The following THRA variants were observed in gnomAD, a reference collection of about 807,000 sequenced individuals.
THRA encodes the protein thyroid hormone receptor alpha.
THRA carries 13 observed loss-of-function variants against 45.0 expected under a neutral mutation model. That is an observed-to-expected ratio of 0.29 (90% CI 0.19 to 0.46). The LOEUF is 0.46. Among genes scored for constraint, THRA ranks in the 20% least tolerant of loss-of-function variants. The probability of loss-of-function intolerance (pLI) is 1.00; values close to 1 mark genes in which losing one functional copy is unlikely to be tolerated. For synonymous variants in THRA, 195 were observed against 214.0 expected (o/e 0.91, Z 0.78); for missense variants, 278 against 556.1 (o/e 0.50, Z 5.03).
chr17:40,091,278 G>GCACACA lies in THRA; in HGVS notation c.*1824_*1829dup. 3 of 136,220 alleles carry GCACACA rather than the reference G, an allele frequency of 2.2e-5. No homozygotes were observed. Among genetic ancestry groups the GCACACA allele is most frequent in the East Asian group, 2.5e-4 (1 of 4,062 alleles). The allele number at this position is 136,220 out of a possible 1,614,324, so 8.4% of individuals were successfully genotyped here. ...CACACACACACACACACACGGACAT[G>GCACACA]CACACACGGACATGGGAAGGCAATG... On this transcript the variant is annotated 3_prime_UTR_variant, in exon 9 of 9. Transcript: ENST00000450525.
chr17:40,080,002 G>A (rs1028640558), intron 4 of THRA, among the ~76,000 whole-genome samples: 2 of 152,044 alleles, frequency 1.3e-5, no homozygotes, highest in African/African-American at 2.4e-5. Context: ...GGGAGATGGA[G>A]GTTACAGTGA....
In THRA at chr17:40,089,830, C is replaced by T; in HGVS notation, c.*374C>T. The T allele has an allele frequency of 1.8e-6, 2 of 1,097,634 alleles. No homozygotes were observed. The highest frequency in any genetic ancestry group is 2.5e-5 in the South Asian group (1 of 39,374). The allele number at this position is 1,097,634 out of a possible 1,614,324, so 68.0% of individuals were successfully genotyped here. On this transcript the variant is annotated 3_prime_UTR_variant, in exon 9 of 9. Transcript: ENST00000450525. This position sits in a 1 kb window ranked among gnomAD's most constrained non-coding sequence, Gnocchi z 6.1. ...GGGGAAGATGCCCTCAACTCACCCC[C>T]TACACACACATGAGAGAGAGCCCCC...
chr17:40,092,815 G>C lies in THRA; in HGVS notation c.*3359G>C. On this transcript the variant is annotated 3_prime_UTR_variant, in exon 9 of 9. Coordinates refer to ENST00000450525, the MANE Select transcript of THRA (RefSeq NM_199334.5). ...AGCTCAGCTGTGAACTATTGGATTT[G>C]AGACAGGAACAGAACAAATCAGAGG... 1.4e-6 allele frequency: 1 copy of C among 701,444 alleles called. No homozygotes were observed. The highest frequency in any genetic ancestry group is 2.2e-6 in the Non-Finnish European group (1 of 454,532). The allele number at this position is 701,444 out of a possible 1,614,324, so 43.5% of individuals were successfully genotyped here.
At chr17:40,063,992 G>T (rs1313889256) in intron 1 of THRA, among the ~76,000 whole-genome samples, 1 of 151,678 alleles carries the variant, frequency 6.6e-6, no homozygotes, top group Non-Finnish European at 1.5e-5. Context: ...TCCAGGAGGG[G>T]GAGGGGATGA....
chr17:40,077,731 C>T lies in THRA; in HGVS notation c.222+123C>T, dbSNP rs1987001941. The T allele has an allele frequency of 1.3e-5, 10 of 741,972 alleles. No individual in the cohort carries two copies. In the East Asian group the frequency reaches 2.4e-4, roughly 18 times the overall value. The allele number at this position is 741,972 out of a possible 1,614,324, so 46.0% of individuals were successfully genotyped here. A position where few individuals can be genotyped will look rare whatever the true frequency, so the allele number is the denominator to read the frequency against. On this transcript the variant is annotated intron_variant, in intron 4 of 8. Coordinates refer to ENST00000450525, the MANE Select transcript of THRA (RefSeq NM_199334.5). Reference sequence around the variant, plus strand: ...TTTTTCTTTGAGACGGAGTCTCACTCTTGTCCCCCAGGCTGGAGTGCAGTG... The same window carrying T: ...TTTTTCTTTGAGACGGAGTCTCACTTTTGTCCCCCAGGCTGGAGTGCAGTG...
At chr17:40,081,695 G>A (rs559755589) in intron 4 of THRA, among the ~76,000 whole-genome samples, 40 of 152,188 alleles carry the variant, frequency 2.6e-4, no homozygotes, top group Middle Eastern at 3.4e-3. Flanking sequence ...TGGGTGCGGT[G>A]GCTCACGCCT....
intron 3 of THRA, 100 bp downstream of exon 3, chr17:40,077,038 C>T: frequency 7.9e-7 from 1 of 1,264,488 alleles, no homozygotes; most frequent in Non-Finnish European, 1.1e-6. Context: ...TTCATGTGTT[C>T]CCTGGGGGGA....
intron 1 of THRA, 40 bp downstream of exon 1, chr17:40,063,132 C>G (rs1333598198): frequency 6.6e-6 from 1 of 152,164 alleles, no homozygotes; most frequent in Admixed American, 6.5e-5. Context: ...TATGCAAATG[C>G]CTTGCGATTG....
Position 40,077,557 on chromosome 17 carries a change from G to A in THRA, c.171G>A (p.Gly57=). ...AAGACGAGCAGTGTGTCGTGTGTGGGGACAAGGCAACTGGTTATCACTACC... is the reference window on the plus strand; with the variant it reads ...AAGACGAGCAGTGTGTCGTGTGTGGAGACAAGGCAACTGGTTATCACTACC... The part of the protein sequence containing the change: ...LDKDEQCVVC[G]DKATGYHYRC... Residue 57 remains glycine (G), a synonymous_variant, in exon 4 of 9, where the codon GGG becomes GGA. Coordinates refer to ENST00000450525, the MANE Select transcript of THRA (RefSeq NM_199334.5). 1 of 1,614,030 alleles carries A rather than the reference G, an allele frequency of 6.2e-7. No individual in the cohort carries two copies. The highest frequency in any genetic ancestry group is 8.5e-7 in the Non-Finnish European group (1 of 1,180,000).
chr17:40,084,582 G>T (rs377136027), intron 5 of THRA, 28 bp from the exon 6 acceptor site: 3 of 1,612,244 alleles, frequency 1.9e-6, no homozygotes, highest in Non-Finnish European at 2.5e-6. Flanking sequence ...GGTGCCATGC[G>T]TTAGACCTTG....
chr17:40,074,445 G>A lies in THRA; in HGVS notation c.-44G>A, dbSNP rs1311721465. On this transcript the variant is annotated 5_prime_UTR_variant, in exon 2 of 9. Coordinates refer to ENST00000450525, the MANE Select transcript of THRA (RefSeq NM_199334.5). ...CGGGGGGGCCAGTGTGCCCACCCCA[G>A]TCTCTTGGCGTGCTGGAGGGCATCC... The A allele has an allele frequency of 1.2e-6, 2 of 1,612,536 alleles. No homozygotes were observed. Among genetic ancestry groups the A allele is most frequent in the Admixed American group, 1.7e-5 (1 of 59,956 alleles).
In THRA at chr17:40,088,470, C is replaced by T. The variant is rs757169339; in HGVS notation, c.952C>T (p.Leu318=). The stretch of plus-strand genomic sequence containing the variant: ...TAACCTGGATGACACGGAAGTGGCT[C>T]TGCTGCAGGCTGTGCTGCTAATGTC... ...AFNLDDTEVA[L]LQAVLLMSTD... Residue 318 remains leucine (L), a synonymous_variant, in exon 8 of 9, where the codon CTG becomes TTG. Transcript: ENST00000450525. 1 of 1,613,754 alleles carries T rather than the reference C, an allele frequency of 6.2e-7. No homozygotes were observed.
At chr17:40,085,048 C>G (rs1488631619) in intron 6 of THRA, among the ~76,000 whole-genome samples, 1 of 152,210 alleles carries the variant, frequency 6.6e-6, no homozygotes, top group Non-Finnish European at 1.5e-5. Context: ...CCTTCCTCAT[C>G]GAATTTCCAG....
intron 4 of THRA, among the ~76,000 whole-genome samples, chr17:40,082,318 A>G (rs1488974607): frequency 1.3e-5 from 2 of 150,278 alleles, no homozygotes; most frequent in Non-Finnish European, 2.9e-5. Flanking sequence ...GGGTTCAAGC[A>G]ATTCTTCTGC....
In THRA at chr17:40,091,346, G is replaced by A. The variant is rs1987540164; in HGVS notation, c.*1890G>A. The A allele has an allele frequency of 6.5e-6, 1 of 152,832 alleles. No homozygotes were observed. The highest frequency in any genetic ancestry group is 2.4e-5 in the African/African-American group (1 of 41,508). 9.5% of individuals were successfully genotyped at this position (152,832 alleles called of 1,614,324 possible). ...GCACTGTCCTTCCCCAATCGTTCAG[G>A]TGTTCCAACAGGGGTGGAGGGCCTG... On this transcript the variant is annotated 3_prime_UTR_variant, in exon 9 of 9. Coordinates refer to ENST00000450525, the MANE Select transcript of THRA (RefSeq NM_199334.5).
intron 4 of THRA, among the ~76,000 whole-genome samples, chr17:40,081,710 T>C (rs1227979836): frequency 6.6e-6 from 1 of 151,616 alleles, no homozygotes; most frequent in African/African-American, 2.4e-5. Context: ...ACGCCTGTAA[T>C]CCCAGCACTT....
downstream of THRA, chr17:40,093,287 G>A: frequency 1.2e-6 from 2 of 1,613,586 alleles, no homozygotes; most frequent in African/African-American, 2.7e-5. This position sits in a 1 kb window ranked among gnomAD's most constrained non-coding sequence, Gnocchi z 5.9. Flanking sequence ...AGCGGTCTGT[G>A]GGGAAGACGA....
chr17:40,087,542 G>T (rs1285884454), intron 7 of THRA, among the ~76,000 whole-genome samples: 1 of 152,126 alleles, frequency 6.6e-6, no homozygotes, highest in African/African-American at 2.4e-5. Flanking sequence ...AAATCAGCCG[G>T]CTCCAAGTGC....
chr17:40,073,127 G>A (rs1046399189), intron 1 of THRA, among the ~76,000 whole-genome samples: 8 of 152,192 alleles, frequency 5.3e-5, no homozygotes, highest in Non-Finnish European at 1.0e-4. Context: ...GGGGGCCTAG[G>A]GGTGAGGTCT....
Sources: allele counts gnomAD v4.1 joint callset (sites outside exome capture counted in the v4.1 genomes callset), GRCh38; gene constraint gnomAD v4.1.1; non-coding constraint Gnocchi (gnomAD v3.1); transcripts MANE v1.5; gene names NCBI Gene and HGNC (gene_info 2026-07-23, HGNC 2026-07-21).